The following GPC5 variants were observed in gnomAD, a reference collection of about 807,000 sequenced individuals.
GPC5 encodes the protein glypican-5.
In GPC5, 47 loss-of-function variants were observed where a neutral mutation model predicts 53.9. The observed-to-expected ratio is 0.87, with a 90% CI of 0.69 to 1.11. The LOEUF (loss-of-function observed/expected upper bound fraction) is 1.11, where lower values mean the gene tolerates loss of function less well. Among genes scored for constraint, GPC5 ranks in the 50% most tolerant of loss-of-function variants. GPC5 has a pLI of 0.00. For synonymous variants in GPC5, 286 were observed against 263.3 expected (o/e 1.09, Z -0.84); for missense variants, 748 against 713.1 (o/e 1.05, Z -0.56).
In GPC5 at chr13:92,056,467, G is replaced by A. The variant is rs568725402; in HGVS notation, c.1402-88363G>A. 4.7e-4 allele frequency among the ~76,000 whole-genome samples: 71 copies of A among 152,222 alleles called. 1 individual carries two copies. The highest frequency in any genetic ancestry group is 1.6e-3 in the African/African-American group (65 of 41,534). On this transcript the variant is annotated intron_variant, in intron 6 of 7. Transcript: ENST00000377067. ...GAGATTTGAATGTGAAAATCTTTGG[G>A]GGAGGGGGAGCATGACTCTGTTTAC...
At chr13:91,709,688 T>C (rs770278209) in intron 3 of GPC5, among the ~76,000 whole-genome samples, 4 of 152,254 alleles carry the variant, frequency 2.6e-5, no homozygotes, top group Non-Finnish European at 5.9e-5. Flanking sequence ...TTATTTATTT[T>C]CTATATTTTA....
chr13:91,801,943 T>C (rs1283286990), intron 5 of GPC5, among the ~76,000 whole-genome samples: 1 of 152,206 alleles, frequency 6.6e-6, no homozygotes, highest in Non-Finnish European at 1.5e-5. Context: ...GATTATCTTC[T>C]TTGTTGCGTT....
At position 92,122,766 on chromosome 13, in the gene GPC5, T is replaced by TTTA. The variant is rs1236969489; in HGVS notation, c.1402-22063_1402-22062insTAT. On this transcript the variant is annotated intron_variant, in intron 6 of 7. Coordinates refer to ENST00000377067, the MANE Select transcript of GPC5 (RefSeq NM_004466.6). ...TTTTTTTTTTTTTTTTTTTTTTTTTTTAACATTTTTAGCCATCTAATTTTA... is the reference window on the plus strand; with the variant it reads ...TTTTTTTTTTTTTTTTTTTTTTTTTTTTATAACATTTTTAGCCATCTAATTTTA... Among the ~76,000 whole-genome samples the TTTA allele has an allele frequency of 1.9e-5, 2 of 105,432 alleles. 1 individual carries two copies. The highest frequency in any genetic ancestry group is 4.0e-5 in the Non-Finnish European group (2 of 49,786). 69.2% of individuals were successfully genotyped at this position (105,432 alleles called of 152,430 possible).
chr13:92,771,022 TA>T (rs1439673430), intron 7 of GPC5, among the ~76,000 whole-genome samples: 1 of 152,066 alleles, frequency 6.6e-6, no homozygotes, highest in Non-Finnish European at 1.5e-5. Context: ...TGGGTGGTGG[TA>T]AAAGTCCTGA....
chr13:91,409,759 G>C (rs923180084), intron 1 of GPC5, among the ~76,000 whole-genome samples: 2 of 151,780 alleles, frequency 1.3e-5, no homozygotes, highest in Admixed American at 1.3e-4. Flanking sequence ...TTTGTTACTT[G>C]GGTTTATTGT....
At chr13:91,505,052 A>G (rs1884871804) in intron 2 of GPC5, among the ~76,000 whole-genome samples, 1 of 152,226 alleles carries the variant, frequency 6.6e-6, no homozygotes, top group African/African-American at 2.4e-5. Context: ...CAAGAATTGA[A>G]ATAAGTCAAT....
At chr13:92,721,865 T>C (rs1330135755) in intron 7 of GPC5, among the ~76,000 whole-genome samples, 1 of 152,124 alleles carries the variant, frequency 6.6e-6, no homozygotes, top group African/African-American at 2.4e-5. Context: ...CTGTATGTCC[T>C]ATTTAGGGGT....
At chr13:91,657,252 G>T (rs572808138) in intron 2 of GPC5, among the ~76,000 whole-genome samples, 1 of 152,226 alleles carries the variant, frequency 6.6e-6, no homozygotes, top group East Asian at 1.9e-4. Flanking sequence ...AAAGCTGCTG[G>T]GGTGAAGGGT....
At chr13:91,838,748 C>T (rs1490303914) in intron 5 of GPC5, among the ~76,000 whole-genome samples, 3 of 152,154 alleles carry the variant, frequency 2.0e-5, no homozygotes, top group Non-Finnish European at 4.4e-5. Flanking sequence ...CAAGGGACAG[C>T]AGCAGGTCAG....
At chr13:92,738,701 GTCTCTCA>G (rs1246856921) in intron 7 of GPC5, among the ~76,000 whole-genome samples, 1 of 152,000 alleles carries the variant, frequency 6.6e-6, no homozygotes, top group Non-Finnish European at 1.5e-5. Context: ...AGGTTATTCT[GTCTCTCA>G]GACCAAGCAT....
intron 1 of GPC5, among the ~76,000 whole-genome samples, chr13:91,428,146 C>A (rs1023152963): frequency 1.3e-5 from 2 of 152,156 alleles, no homozygotes; most frequent in Non-Finnish European, 2.9e-5. Context: ...TCTTTGCTCC[C>A]ATAGTTCAGT....
intron 1 of GPC5, among the ~76,000 whole-genome samples, chr13:91,414,137 G>T (rs376085669): frequency 2.0e-5 from 3 of 152,210 alleles, no homozygotes; most frequent in East Asian, 3.9e-4. Context: ...ATTTTGAATT[G>T]TAGTTCCCAT....
At position 92,838,490 on chromosome 13, in the gene GPC5, A is replaced by ACCC. The variant is rs1566439756; in HGVS notation, c.1562-27792_1562-27791insCCC. Among the ~76,000 whole-genome samples the ACCC allele has an allele frequency of 6.7e-5, 10 of 148,594 alleles. No individual in the cohort carries two copies. The East Asian group carries it at 8.3e-4, about 12-fold the overall frequency. On this transcript the variant is annotated intron_variant, in intron 7 of 7. Transcript: ENST00000377067. ...AGAGTGAGACTCCGCGCCCCCCCCA[A>ACCC]AAAAAAAAAGAAAAAAAAGAAAGTA...
chr13:92,206,098 T>C (rs946872828), intron 7 of GPC5, among the ~76,000 whole-genome samples: 53 of 149,788 alleles, frequency 3.5e-4, no homozygotes, highest in African/African-American at 1.3e-3. Context: ...TGTCATTCCA[T>C]ATATATATAT....
intron 6 of GPC5, among the ~76,000 whole-genome samples, chr13:92,105,008 C>G (rs979745757): frequency 1.4e-4 from 21 of 151,970 alleles, no homozygotes; most frequent in African/African-American, 5.1e-4. Context: ...TTATAGACCT[C>G]ATGATTGTTA....
At chr13:92,785,079 C>T (rs1876168117) in intron 7 of GPC5, among the ~76,000 whole-genome samples, 1 of 151,962 alleles carries the variant, frequency 6.6e-6, no homozygotes, top group African/African-American at 2.4e-5. Flanking sequence ...GAGTTGACAC[C>T]AGCCTGGCCA....
At chr13:91,687,690 A>G (rs933506503) in intron 2 of GPC5, among the ~76,000 whole-genome samples, 3 of 152,044 alleles carry the variant, frequency 2.0e-5, no homozygotes, top group African/African-American at 4.8e-5. Flanking sequence ...ACTTATTCTG[A>G]TATCACTGGA....
At chr13:92,211,581 G>C (rs1436052729) in intron 7 of GPC5, among the ~76,000 whole-genome samples, 1 of 152,234 alleles carries the variant, frequency 6.6e-6, no homozygotes, top group Non-Finnish European at 1.5e-5. Context: ...TTCCAAGTGT[G>C]TCCAGCAGCA....
intron 7 of GPC5, among the ~76,000 whole-genome samples, chr13:92,310,329 A>C (rs1021871372): frequency 6.6e-6 from 1 of 152,132 alleles, no homozygotes; most frequent in South Asian, 2.1e-4. Flanking sequence ...GTTATATTCT[A>C]ATAGAAAATA....
Sources: gnomAD v4.1 joint callset for allele counts (sites outside exome capture counted in the v4.1 genomes callset) on GRCh38, gnomAD v4.1.1 for gene constraint, MANE v1.5 for transcripts, NCBI Gene and HGNC (gene_info 2026-07-23, HGNC 2026-07-21) for gene names.